Variants in KLHL5 observed in about 807,000 individuals in gnomAD.
The protein encoded by KLHL5 is kelch like family member 5.
In KLHL5, 48 loss-of-function variants were observed where a neutral mutation model predicts 77.7. That is an observed-to-expected ratio of 0.62 (90% CI 0.49 to 0.79). KLHL5 has a LOEUF of 0.79. Ranked by LOEUF, KLHL5 falls within the 30% of genes least tolerant of loss-of-function variation. The pLI is 0.00. For missense variants in KLHL5, 723 were observed against 859.7 expected (o/e 0.84, Z 1.99); for synonymous variants, 260 against 297.0 (o/e 0.88, Z 1.28).
At chr4:39,086,832 G>A (rs1453868725) in intron 5 of KLHL5, 105 bp downstream of exon 5, 3 of 790,112 alleles carry the variant, frequency 3.8e-6, no homozygotes, top group Non-Finnish European at 6.1e-6. Context: ...AAGATAGTGA[G>A]CTAACAAAAT....
chr4:39,057,639 C>G (rs1717092435), upstream of KLHL5, among the ~76,000 whole-genome samples: 1 of 152,062 alleles, frequency 6.6e-6, no homozygotes, highest in South Asian at 2.1e-4. Flanking sequence ...TTGGAGGGTG[C>G]TTCAAAATCA....
intron 7 of KLHL5, among the ~76,000 whole-genome samples, chr4:39,106,767 A>AT (rs1722067331): frequency 6.6e-6 from 1 of 151,836 alleles, no homozygotes; most frequent in Non-Finnish European, 1.5e-5. Flanking sequence ...AAAACTTTTA[A>AT]TTTTTTTTAG....
intron 6 of KLHL5, among the ~76,000 whole-genome samples, chr4:39,101,659 C>A (rs1721557048): frequency 6.6e-6 from 1 of 151,666 alleles, no homozygotes; most frequent in Non-Finnish European, 1.5e-5. Flanking sequence ...ACCAGCCTGG[C>A]CAATACAGCA....
chr4:39,137,230 T>TATTC, the KLHL5 span, among the ~76,000 whole-genome samples: 1 of 152,044 alleles, frequency 6.6e-6, no homozygotes, highest in Admixed American at 6.6e-5. Context: ...GACCAACAGA[T>TATTC]ATTCCTTAGG....
chr4:39,107,050 C>CT (rs768968144), intron 7 of KLHL5, among the ~76,000 whole-genome samples: 1,600 of 82,596 alleles, frequency 0.019, 35 homozygotes, highest in African/African-American at 0.054. Context: ...TTTTTTTTTT[C>CT]TTTTTTTTTT....
intron 5 of KLHL5, among the ~76,000 whole-genome samples, chr4:39,090,277 A>G (rs1008623109): frequency 6.6e-6 from 1 of 152,156 alleles, no homozygotes; most frequent in Admixed American, 6.6e-5. Context: ...TACCAACTAA[A>G]TGAGATTTTA....
Position 39,121,226 on chromosome 4 carries a change from G to C in KLHL5, c.*160G>C, listed in dbSNP as rs1416652114. On this transcript the variant is annotated 3_prime_UTR_variant, in exon 11 of 11. Coordinates refer to ENST00000504108, the MANE Select transcript of KLHL5 (RefSeq NM_015990.5). ...AGATAGTAAAACAAGGGAGGAAGCA[G>C]TGGATGGACCAGGATTAATTCCTTT... 1 of 634,668 alleles carries C rather than the reference G, an allele frequency of 1.6e-6. No individual in the cohort carries two copies. The highest frequency in any genetic ancestry group is 1.8e-5 in the African/African-American group (1 of 54,924). The allele number at this position is 634,668 out of a possible 1,614,324, so 39.3% of individuals were successfully genotyped here.
chr4:39,098,283 G>C (rs1468071018), intron 6 of KLHL5, among the ~76,000 whole-genome samples: 1 of 151,646 alleles, frequency 6.6e-6, no homozygotes, highest in African/African-American at 2.4e-5. Flanking sequence ...TTTGTTTTGA[G>C]ATAGAGTCTT....
intron 10 of KLHL5, among the ~76,000 whole-genome samples, chr4:39,117,375 A>C (rs145450553): frequency 2.1e-3 from 323 of 152,332 alleles, no homozygotes; most frequent in African/African-American, 7.2e-3. Flanking sequence ...TTTGGTAACA[A>C]GAAGCCAGCA....
chr4:39,113,081 C>A lies in KLHL5; in HGVS notation c.1750C>A (p.Pro584Thr). The A allele has an allele frequency of 6.2e-7, 1 of 1,613,946 alleles. No individual in the cohort carries two copies. Among genetic ancestry groups the A allele is most frequent in the Non-Finnish European group, 8.5e-7 (1 of 1,179,982 alleles). Residue 584 changes from proline to threonine, a missense_variant, in exon 9 of 11, where the codon CCT becomes ACT. Around this residue, in one of 3 missense-constraint regions of KLHL5, gnomAD observed 214 missense variants for 237.4 expected, o/e 0.90. Transcript: ENST00000504108. ...TCTCAAATCAGTAGAATGTTTTGAT[C>A]CTCATACTAATAAGTGGACACTGTG... Reference protein sequence around the residue: ...SCLKSVECFDPHTNKWTLCAQ... With the variant: ...SCLKSVECFDTHTNKWTLCAQ...
At chr4:39,095,157 A>G (rs1006036856) in intron 5 of KLHL5, among the ~76,000 whole-genome samples, 7 of 152,204 alleles carry the variant, frequency 4.6e-5, no homozygotes, top group African/African-American at 1.7e-4. Context: ...GATAGTAGAA[A>G]AGAGGCAGAT....
At chr4:39,063,977 C>T (rs1053192629) in intron 1 of KLHL5, among the ~76,000 whole-genome samples, 1 of 152,098 alleles carries the variant, frequency 6.6e-6, no homozygotes, top group African/African-American at 2.4e-5. Flanking sequence ...GCACAAATAG[C>T]TTATCATTTG....
chr4:39,071,607 C>T (rs1176120456), intron 1 of KLHL5, among the ~76,000 whole-genome samples: 1 of 152,192 alleles, frequency 6.6e-6, no homozygotes, highest in African/African-American at 2.4e-5. Context: ...CTTGACTCTT[C>T]AAATTCCAAA....
chr4:39,048,638 C>CTTTTTTTTTTTTTTTTTTTTTTTTTT lies in KLHL5; in HGVS notation c.-95+3563_-95+3564insTTTTTTTTTTTTTTTTTTTTTTTTTT, dbSNP rs34713116. Among the ~76,000 whole-genome samples the CTTTTTTTTTTTTTTTTTTTTTTTTTT allele has an allele frequency of 6.3e-5, 5 of 79,134 alleles. 1 individual carries two copies. Among genetic ancestry groups the CTTTTTTTTTTTTTTTTTTTTTTTTTT allele is most frequent in the African/African-American group, 2.7e-4 (5 of 18,574 alleles). The allele number at this position is 79,134 out of a possible 152,430, so 51.9% of individuals were successfully genotyped here. Reference sequence around the variant, plus strand: ...AAAGGATGTGGTGATTTTACATTGGCTTTTTTTTTTTTTTTTTTTTTGGAG... The same window carrying CTTTTTTTTTTTTTTTTTTTTTTTTTT: ...AAAGGATGTGGTGATTTTACATTGGCTTTTTTTTTTTTTTTTTTTTTTTTTTTTTTTTTTTTTTTTTTTTTTTGGAG... On this transcript the variant is annotated intron_variant, in intron 1 of 11. Transcript: ENST00000261425.
intron 5 of KLHL5, among the ~76,000 whole-genome samples, chr4:39,089,430 A>AG (rs1720322200): frequency 1.3e-5 from 2 of 152,154 alleles, no homozygotes; most frequent in Non-Finnish European, 2.9e-5. Flanking sequence ...AAGGACTCTG[A>AG]AGTCCTTAGA....
intron 1 of KLHL5, among the ~76,000 whole-genome samples, chr4:39,047,580 A>G (rs1196580804): frequency 6.6e-6 from 1 of 152,228 alleles, no homozygotes; most frequent in Non-Finnish European, 1.5e-5. Flanking sequence ...AACATACTGT[A>G]TAGCAAAGGA....
upstream of KLHL5, among the ~76,000 whole-genome samples, chr4:39,057,920 A>C (rs1192226804): frequency 2.6e-5 from 4 of 152,214 alleles, no homozygotes; most frequent in Admixed American, 2.6e-4. Context: ...TAAAAGCCAC[A>C]CTGTTGAAGT....
At chr4:39,128,765 C>A (rs1188928457), downstream of KLHL5, among the ~76,000 whole-genome samples, 1 of 151,922 alleles carries the variant, frequency 6.6e-6, no homozygotes, top group Non-Finnish European at 1.5e-5. Context: ...GAGTTCGAGA[C>A]CAGCCTGGGA....
Position 39,062,977 on chromosome 4 carries a change from C to A in KLHL5, c.325C>A (p.Pro109Thr), listed in dbSNP as rs1310055388. 2 of 1,613,958 alleles carry A rather than the reference C, an allele frequency of 1.2e-6. No individual in the cohort carries two copies. The highest frequency in any genetic ancestry group is 1.7e-6 in the Non-Finnish European group (2 of 1,179,954). Reference protein sequence around the residue: ...DCGGAHWLDRPEVDDGTSEEE... With the variant: ...DCGGAHWLDRTEVDDGTSEEE... ...TGGCGGTGCACATTGGCTGGATAGA[C>A]CAGAAGTGGATGATGGCACTAGTGA... is the stretch of plus-strand genomic sequence containing the variant. The change falls in exon 1 of 11, where the codon CCA becomes ACA. Residue 109 changes from proline to threonine, a missense_variant. Coordinates refer to ENST00000504108, the MANE Select transcript of KLHL5 (RefSeq NM_015990.5).
Sources: allele counts gnomAD v4.1 joint callset (sites outside exome capture counted in the v4.1 genomes callset), GRCh38; gene constraint gnomAD v4.1.1; regional missense constraint gnomAD v4.1.1; transcripts MANE v1.5; gene names NCBI Gene and HGNC (gene_info 2026-07-23, HGNC 2026-07-21).